JPT1: variants seen among roughly 807,000 people sequenced by gnomAD.
JPT1 encodes the protein Jupiter microtubule associated homolog 1.
In JPT1, 5 loss-of-function variants were observed where a neutral mutation model predicts 17.0. The ratio of observed to expected loss-of-function variants is 0.29; its 90% confidence interval spans 0.15 to 0.62. The LOEUF (loss-of-function observed/expected upper bound fraction) is 0.62, where lower values mean the gene tolerates loss of function less well. JPT1 is among the 20% of genes least tolerant of loss of function. The pLI is 0.85. For missense variants in JPT1, 158 were observed against 188.1 expected (o/e 0.84, Z 0.94); for synonymous variants, 71 against 73.6 (o/e 0.96, Z 0.18).
intron 1 of JPT1, chr17:75,149,002 G>C: frequency 7.9e-7 from 1 of 1,272,658 alleles, no homozygotes; most frequent in Non-Finnish European, 1.0e-6. Context: ...TACTCTACTG[G>C]GCTTGGCTGA....
chr17:75,145,000 C>T (rs1418693924), intron 4 of JPT1, among the ~76,000 whole-genome samples: 5 of 151,720 alleles, frequency 3.3e-5, no homozygotes, highest in Admixed American at 6.6e-5. Flanking sequence ...CACTGTGAGG[C>T]CGGGCGCAGT....
intron 4 of JPT1, among the ~76,000 whole-genome samples, chr17:75,142,237 C>T (rs117602647): frequency 0.035 from 5,351 of 151,968 alleles, 141 homozygotes; most frequent in Non-Finnish European, 0.053. Flanking sequence ...TAAATAAGGT[C>T]TGACAGTGAA....
chr17:75,154,210 C>G (rs1015148296), intron 1 of JPT1, 132 bp downstream of exon 1: 8 of 594,904 alleles, frequency 1.3e-5, no homozygotes, highest in Non-Finnish European at 1.7e-5. Flanking sequence ...ACGGCAGAAC[C>G]CCGCCACCCG....
chr17:75,140,705 G>A (rs372541074), intron 4 of JPT1, among the ~76,000 whole-genome samples: 1 of 152,324 alleles, frequency 6.6e-6, no homozygotes, highest in Non-Finnish European at 1.5e-5. Flanking sequence ...GCTCACACCT[G>A]TAATCCCAGA....
intron 1 of JPT1, among the ~76,000 whole-genome samples, chr17:75,149,886 T>TACACACAC (rs1568036664): frequency 3.3e-4 from 43 of 128,842 alleles, no homozygotes; most frequent in African/African-American, 1.1e-3. Flanking sequence ...CACACACACT[T>TACACACAC]AAGTCAGCTT....
intron 4 of JPT1, among the ~76,000 whole-genome samples, chr17:75,140,738 A>G (rs1224406402): frequency 2.0e-5 from 3 of 151,994 alleles, no homozygotes; most frequent in Non-Finnish European, 4.4e-5. Context: ...CAAGGCAGGA[A>G]GATCAACATG....
Position 75,148,616 on chromosome 17 carries a change from T to C in JPT1, c.112A>G (p.Thr38Ala). 2 of 1,614,188 alleles carry C rather than the reference T, an allele frequency of 1.2e-6. No individual in the cohort carries two copies. The highest frequency in any genetic ancestry group is 1.7e-6 in the Non-Finnish European group (2 of 1,180,020). The change falls in exon 2 of 5, where the codon ACA (threonine) becomes GCA (alanine). Residue 38 changes from threonine to alanine, a missense_variant. Transcript: ENST00000409753. ...TTGTTCTTCCTCACAGGTTGTTCTG[T>C]TGGTTCATCAAAACCTAATGAAAAA... ...SNFSLGFDEP[T>A]EQPVRKNKMA...
intron 4 of JPT1, among the ~76,000 whole-genome samples, chr17:75,145,006 G>A (rs569662036): frequency 3.3e-5 from 5 of 151,568 alleles, no homozygotes; most frequent in East Asian, 1.9e-4. Context: ...GAGGCCGGGC[G>A]CAGTGGCTCA....
At chr17:75,137,965 T>G (rs2074238972) in intron 4 of JPT1, among the ~76,000 whole-genome samples, 1 of 151,008 alleles carries the variant, frequency 6.6e-6, no homozygotes. Flanking sequence ...TCCTTTTTTT[T>G]CTTTAGTTGA....
chr17:75,146,852 G>T (rs922823800), intron 3 of JPT1, 168 bp from the exon 4 acceptor site: 2 of 568,388 alleles, frequency 3.5e-6, no homozygotes, highest in Admixed American at 3.3e-5. Flanking sequence ...TCAGGACAAT[G>T]CTATGCAAAA....
chr17:75,140,607 A>G (rs958823931), intron 4 of JPT1, among the ~76,000 whole-genome samples: 1 of 152,140 alleles, frequency 6.6e-6, no homozygotes, highest in Admixed American at 6.6e-5. Context: ...CGTATATCCA[A>G]AGGGAATCTA....
chr17:75,153,376 G>A (rs1345338237), intron 1 of JPT1: 2 of 152,164 alleles, frequency 1.3e-5, no homozygotes, highest in Non-Finnish European at 1.5e-5. Flanking sequence ...AGAAGGGCAA[G>A]AAAAATCCCC....
intron 4 of JPT1, among the ~76,000 whole-genome samples, chr17:75,143,494 G>T (rs2074366450): frequency 6.6e-6 from 1 of 152,066 alleles, no homozygotes; most frequent in African/African-American, 2.4e-5. Context: ...AGGAGGCAGA[G>T]GTTGCAGTGA....
Position 75,136,155 on chromosome 17 carries a change from CTG to C in JPT1, c.410_411del (p.Pro137ArgfsTer40). 3 of 1,614,148 alleles carry C rather than the reference CTG, an allele frequency of 1.9e-6. No homozygotes were observed. Among genetic ancestry groups the C allele is most frequent in the Non-Finnish European group, 1.7e-6 (2 of 1,180,030 alleles). ...APVPSPVAPAPVPSRRNPPGG... is the reference protein window; with the variant it reads ...APVPSPVAPAXVPSRRNPPGG... ...CCAGGGGGATTTCTTCTGGATGGCA[CTG>C]GGGCCGGGGCCACCGGGCTGGGCAC... On this transcript the variant is annotated frameshift_variant, in exon 5 of 5. Transcript: ENST00000409753. LOFTEE classifies it high-confidence loss of function.
rs2074183991 is a variant in JPT1, at chr17:75,135,910, C to G, written c.*192G>C. On this transcript the variant is annotated 3_prime_UTR_variant, in exon 5 of 5. Coordinates refer to ENST00000409753, the MANE Select transcript of JPT1 (RefSeq NM_016185.4). The stretch of plus-strand genomic sequence containing the variant: ...AATCTACTACTAGAAAACACTCATG[C>G]CATGGCCCACAGACCCAAGAGTCAA... The G allele has an allele frequency of 2.5e-6, 3 of 1,211,972 alleles. No homozygotes were observed. Among genetic ancestry groups the G allele is most frequent in the Non-Finnish European group, 3.5e-6 (3 of 865,096 alleles). 75.1% of individuals were successfully genotyped at this position (1,211,972 alleles called of 1,614,324 possible). A position where few individuals can be genotyped will look rare whatever the true frequency, so the allele number is the denominator to read the frequency against.
chr17:75,148,244 TTTTTC>T (rs932592535), intron 2 of JPT1, among the ~76,000 whole-genome samples: 1 of 152,026 alleles, frequency 6.6e-6, no homozygotes, highest in African/African-American at 2.4e-5. Flanking sequence ...CTGTAGTTGG[TTTTTC>T]TTTTGTTTGT....
intron 4 of JPT1, chr17:75,145,566 A>G (rs2074411661): frequency 6.6e-6 from 1 of 152,212 alleles, no homozygotes; most frequent in Non-Finnish European, 1.5e-5. Context: ...CAAGCAGGTA[A>G]CCAATGTCTT....
intron 3 of JPT1, 66 bp from the exon 4 acceptor site, chr17:75,146,750 A>T: frequency 1.0e-6 from 1 of 953,218 alleles, no homozygotes; most frequent in Non-Finnish European, 1.6e-6. Flanking sequence ...AAACAGTCAT[A>T]GTTCATAGCA....
Position 75,147,568 on chromosome 17 carries a change from G to A in JPT1, c.285C>T (p.Phe95=). 6.2e-7 allele frequency: 1 copy of A among 1,612,990 alleles called. No individual in the cohort carries two copies. Among genetic ancestry groups the A allele is most frequent in the Non-Finnish European group, 8.5e-7 (1 of 1,179,046 alleles). Residue 95 remains phenylalanine (F), a synonymous_variant, in exon 3 of 5, where the codon TTC becomes TTT. Coordinates refer to ENST00000409753, the MANE Select transcript of JPT1 (RefSeq NM_016185.4). ...RNSSEASSGD[F]LDLKGEGDIH... ...CTGTCACACTGACCTTCAGATCTAAGAAGTCTCCGGAGCTTGCTTCAGAGG... is the reference window on the plus strand; with the variant it reads ...CTGTCACACTGACCTTCAGATCTAAAAAGTCTCCGGAGCTTGCTTCAGAGG...
Sources: allele counts gnomAD v4.1 joint callset (sites outside exome capture counted in the v4.1 genomes callset), GRCh38; gene constraint gnomAD v4.1.1; transcripts MANE v1.5; gene names NCBI Gene and HGNC (gene_info 2026-07-23, HGNC 2026-07-21).